Variants in AK5 observed in about 807,000 individuals in gnomAD.
The protein encoded by AK5 is adenylate kinase 5, also known as adenylate kinase isoenzyme 5.
A neutral mutation model predicts 69.5 loss-of-function variants in AK5; 27 were observed. The observed-to-expected ratio is 0.39, with a 90% CI of 0.29 to 0.54. AK5 has a LOEUF of 0.54. AK5 is among the 20% of genes least tolerant of loss of function. The pLI is 0.71. For synonymous variants in AK5, 260 were observed against 244.4 expected (o/e 1.06, Z -0.60); for missense variants, 531 against 700.4 (o/e 0.76, Z 2.73).
At chr1:77,294,141 T>C (rs1658852287) in intron 3 of AK5, among the ~76,000 whole-genome samples, 181 bp downstream of exon 3, 1 of 152,236 alleles carries the variant, frequency 6.6e-6, no homozygotes, top group Admixed American at 6.5e-5. Flanking sequence ...TAGAAATTGT[T>C]ATAATTATAT....
chr1:77,325,844 C>T (rs1415488022), intron 5 of AK5, among the ~76,000 whole-genome samples: 1 of 151,740 alleles, frequency 6.6e-6, no homozygotes, highest in Non-Finnish European at 1.5e-5. Flanking sequence ...AGTGCATTTC[C>T]AGGTGGTTTT....
chr1:77,296,875 C>T (rs1244738441), intron 3 of AK5, among the ~76,000 whole-genome samples: 1 of 152,146 alleles, frequency 6.6e-6, no homozygotes, highest in African/African-American at 2.4e-5. Flanking sequence ...GTTTTTCCAG[C>T]ATCATTTATT....
intron 6 of AK5, among the ~76,000 whole-genome samples, chr1:77,343,665 A>G (rs1170539917): frequency 6.6e-6 from 1 of 152,192 alleles, no homozygotes; most frequent in African/African-American, 2.4e-5. Flanking sequence ...CCTGTAAAAT[A>G]GGTATAATAA....
intron 11 of AK5, among the ~76,000 whole-genome samples, chr1:77,519,216 G>T (rs537470502): frequency 1.3e-5 from 2 of 152,158 alleles, no homozygotes; most frequent in South Asian, 4.2e-4. Flanking sequence ...AAGCTGAATG[G>T]TAGGGATATC....
intron 5 of AK5, among the ~76,000 whole-genome samples, chr1:77,335,296 C>T (rs1413921252): frequency 6.6e-6 from 1 of 151,794 alleles, no homozygotes; most frequent in Non-Finnish European, 1.5e-5. Flanking sequence ...GAAAAAAAGA[C>T]TGAATTTGTT....
At chr1:77,332,297 A>T (rs1402231209) in intron 5 of AK5, among the ~76,000 whole-genome samples, 2 of 151,716 alleles carry the variant, frequency 1.3e-5, no homozygotes, top group Non-Finnish European at 2.9e-5. Flanking sequence ...TTTTCAAAAA[A>T]CCAACCCCTT....
At chr1:77,302,950 ATGTC>A (rs1659424465) in intron 5 of AK5, among the ~76,000 whole-genome samples, 2 of 152,096 alleles carry the variant, frequency 1.3e-5, no homozygotes, top group South Asian at 4.1e-4. Flanking sequence ...CCATCCTAAA[ATGTC>A]TGTGCCCTTA....
chr1:77,392,364 T>A (rs1374040242), intron 6 of AK5, among the ~76,000 whole-genome samples: 1 of 152,228 alleles, frequency 6.6e-6, no homozygotes, highest in Non-Finnish European at 1.5e-5. Context: ...AATTACTGAT[T>A]TGTTCTGTGC....
chr1:77,392,589 G>A (rs1032801823), intron 6 of AK5, among the ~76,000 whole-genome samples: 10 of 152,078 alleles, frequency 6.6e-5, no homozygotes, highest in African/African-American at 2.4e-4. Context: ...GTGTGCCCAG[G>A]GAGTTGTGTT....
intron 6 of AK5, 111 bp downstream of exon 6, chr1:77,340,679 G>C (rs1320645179): frequency 1.0e-6 from 1 of 969,456 alleles, no homozygotes; most frequent in Non-Finnish European, 1.5e-6. Flanking sequence ...GGCTTTTGGG[G>C]GGTACAGAAC....
intron 5 of AK5, among the ~76,000 whole-genome samples, chr1:77,301,634 T>C (rs1659348025): frequency 6.6e-6 from 1 of 152,212 alleles, no homozygotes; most frequent in African/African-American, 2.4e-5. Flanking sequence ...GGAGAATCTC[T>C]ACTCTATATA....
At chr1:77,473,418 C>A (rs1654642128) in intron 8 of AK5, among the ~76,000 whole-genome samples, 1 of 151,934 alleles carries the variant, frequency 6.6e-6, no homozygotes, top group Non-Finnish European at 1.5e-5. Flanking sequence ...AATCTAACCT[C>A]CTACACGGTC....
chr1:77,341,426 G>A (rs567560928), intron 6 of AK5, among the ~76,000 whole-genome samples: 1 of 152,308 alleles, frequency 6.6e-6, no homozygotes, highest in East Asian at 1.9e-4. Context: ...CCTCGGGCCC[G>A]GGCCAGTGGA....
In AK5 at chr1:77,444,169, C is replaced by A. The variant is rs572767937; in HGVS notation, c.1059+26454C>A. Reference sequence around the variant, plus strand: ...TTTTATTCTCTCTCTCTCTCACTCTCTCTCTATATATATGTCAGATAAGTG... The same window carrying A: ...TTTTATTCTCTCTCTCTCTCACTCTATCTCTATATATATGTCAGATAAGTG... On this transcript the variant is annotated intron_variant, in intron 8 of 13. Transcript: ENST00000354567. 5.2e-3 allele frequency among the ~76,000 whole-genome samples: 740 copies of A among 142,604 alleles called. 11 individuals carry two copies. The highest frequency in any genetic ancestry group is 0.018 in the African/African-American group (683 of 37,962). The allele number at this position is 142,604 out of a possible 152,430, so 93.6% of individuals were successfully genotyped here. A position where few individuals can be genotyped will look rare whatever the true frequency, so the allele number is the denominator to read the frequency against.
At chr1:77,327,825 T>G (rs566406535) in intron 5 of AK5, among the ~76,000 whole-genome samples, 87 of 152,348 alleles carry the variant, frequency 5.7e-4, no homozygotes, top group African/African-American at 2.0e-3. Flanking sequence ...AAAGGGCACA[T>G]AATTATAGAC....
chr1:77,466,538 A>G (rs1180804129), intron 8 of AK5, among the ~76,000 whole-genome samples: 1 of 152,214 alleles, frequency 6.6e-6, no homozygotes, highest in Admixed American at 6.5e-5. Flanking sequence ...GATGTTAACA[A>G]GAGTCCAAAG....
intron 10 of AK5, among the ~76,000 whole-genome samples, chr1:77,498,290 G>A (rs1226198241): frequency 6.6e-6 from 1 of 152,150 alleles, no homozygotes; most frequent in Non-Finnish European, 1.5e-5. Context: ...GGTAAAGCCA[G>A]ACGGTTACGG....
intron 8 of AK5, among the ~76,000 whole-genome samples, chr1:77,444,164 A>T (rs74356092): frequency 0.012 from 1,373 of 112,982 alleles, 30 homozygotes; most frequent in African/African-American, 0.055. Flanking sequence ...TCTCTCTCTC[A>T]CTCTCTCTCT....
chr1:77,292,037 A>G (rs1009687348), intron 2 of AK5, among the ~76,000 whole-genome samples: 1 of 152,234 alleles, frequency 6.6e-6, no homozygotes, highest in African/African-American at 2.4e-5. Flanking sequence ...CAGGTAGATC[A>G]GTAAATAGTC....
Sources: gnomAD v4.1 joint callset for allele counts (sites outside exome capture counted in the v4.1 genomes callset) on GRCh38, gnomAD v4.1.1 for gene constraint, MANE v1.5 for transcripts, NCBI Gene and HGNC (gene_info 2026-07-23, HGNC 2026-07-21) for gene names.